OCA2: variants seen among roughly 807,000 people sequenced by gnomAD.
OCA2 encodes the protein P protein.
A neutral mutation model predicts 100.2 loss-of-function variants in OCA2; 77 were observed. The observed-to-expected ratio is 0.77, with a 90% CI of 0.64 to 0.93. The LOEUF (loss-of-function observed/expected upper bound fraction) is 0.93. OCA2 is among the 40% of genes least tolerant of loss of function. The pLI, the probability that OCA2 is intolerant of heterozygous loss-of-function variation, is 0.00. For synonymous variants in OCA2, 432 were observed against 439.2 expected (o/e 0.98, Z 0.21); for missense variants, 1,062 against 1,089.1 (o/e 0.98, Z 0.35).
intron 6 of OCA2, 69 bp downstream of exon 6, chr15:28,022,432 C>G: frequency 8.8e-7 from 1 of 1,138,248 alleles, no homozygotes; most frequent in Non-Finnish European, 1.3e-6. Context: ...TCACAACCGT[C>G]TGCAAGTGTC....
chr15:27,936,603 A>G (rs893481207), intron 18 of OCA2, among the ~76,000 whole-genome samples: 1 of 152,082 alleles, frequency 6.6e-6, no homozygotes, highest in Admixed American at 6.5e-5. Flanking sequence ...TGTGTGTATT[A>G]CCTGATTCAA....
At chr15:27,857,369 A>G in intron 21 of OCA2, among the ~76,000 whole-genome samples, 1 of 152,152 alleles carries the variant, frequency 6.6e-6, no homozygotes, top group Non-Finnish European at 1.5e-5. Flanking sequence ...TTCATAAGAG[A>G]CAGAAAGTAA....
chr15:27,983,073 T>G (rs1472958069), intron 14 of OCA2, among the ~76,000 whole-genome samples: 1 of 152,210 alleles, frequency 6.6e-6, no homozygotes, highest in Non-Finnish European at 1.5e-5. Context: ...ATTAATACAA[T>G]TAATATAACA....
intron 9 of OCA2, among the ~76,000 whole-genome samples, chr15:27,993,831 G>A (rs369921537): frequency 3.9e-5 from 6 of 152,224 alleles, no homozygotes; most frequent in East Asian, 1.9e-4. Flanking sequence ...CGTGGGAGGC[G>A]AAACCATCAC....
chr15:27,731,346 A>T, the OCA2 span, among the ~76,000 whole-genome samples: 2 of 152,228 alleles, frequency 1.3e-5, no homozygotes, highest in East Asian at 3.8e-4. Context: ...GTATAAAAAT[A>T]CTATTAAGCA....
chr15:27,734,896 A>G, the OCA2 span, among the ~76,000 whole-genome samples: 2 of 152,372 alleles, frequency 1.3e-5, no homozygotes, highest in Admixed American at 1.3e-4. Flanking sequence ...AAAGTCTGAA[A>G]TAAGCTCCTA....
At chr15:27,722,967 G>A in the OCA2 span, among the ~76,000 whole-genome samples, 58 of 151,606 alleles carry the variant, frequency 3.8e-4, no homozygotes, top group African/African-American at 7.8e-4. Flanking sequence ...TCAGCCTCCC[G>A]AGTAGCTGGG....
chr15:27,770,812 TCC>T (rs2031701547), intron 23 of OCA2, among the ~76,000 whole-genome samples: 1 of 109,734 alleles, frequency 9.1e-6, no homozygotes. Flanking sequence ...TTTCCTTCCT[TCC>T]TCCCTTCCAT....
chr15:27,737,889 T>C, the OCA2 span, among the ~76,000 whole-genome samples: 4 of 152,126 alleles, frequency 2.6e-5, no homozygotes, highest in Non-Finnish European at 5.9e-5. Flanking sequence ...ACAAAAGGTG[T>C]GGGCAGACAC....
chr15:27,838,762 C>T (rs190785440), intron 23 of OCA2, among the ~76,000 whole-genome samples: 9 of 152,300 alleles, frequency 5.9e-5, no homozygotes, highest in South Asian at 2.1e-4. Flanking sequence ...AGAGAAGGTA[C>T]GTGTGAACCA....
chr15:28,078,606 A>G (rs375891899), intron 2 of OCA2, among the ~76,000 whole-genome samples: 1 of 152,184 alleles, frequency 6.6e-6, no homozygotes, highest in Admixed American at 6.5e-5. Context: ...CAACAACCAC[A>G]CAGATGAGCT....
intron 19 of OCA2, among the ~76,000 whole-genome samples, chr15:27,918,890 G>A (rs1407932199): frequency 6.6e-6 from 1 of 152,124 alleles, no homozygotes; most frequent in Non-Finnish European, 1.5e-5. Flanking sequence ...GACTTTCCCA[G>A]TGTCAAGGTA....
intron 23 of OCA2, among the ~76,000 whole-genome samples, chr15:27,841,048 A>C (rs1187655950): frequency 2.0e-5 from 3 of 152,228 alleles, no homozygotes; most frequent in African/African-American, 7.2e-5. Context: ...TAAGAGCCCC[A>C]AACTGGAAAC....
intron 23 of OCA2, among the ~76,000 whole-genome samples, chr15:27,814,651 G>T (rs999551747): frequency 1.3e-5 from 2 of 152,184 alleles, no homozygotes; most frequent in African/African-American, 4.8e-5. Flanking sequence ...GCCGAGGCAG[G>T]CAGATCCCTT....
rs2034112348 is a variant in OCA2, at chr15:27,812,349, G to A, written c.2432+32610C>T. ...AAAATATTTTCTCTGGGCAAGTCAG[G>A]AGCACAGGGAGGGGACTGGCATCCC... On this transcript the variant is annotated intron_variant, in intron 23 of 23. Coordinates refer to ENST00000354638, the MANE Select transcript of OCA2 (RefSeq NM_000275.3). 2.0e-5 allele frequency among the ~76,000 whole-genome samples: 3 copies of A among 152,248 alleles called. No homozygotes were observed. The South Asian group carries it at 6.2e-4, about 32-fold the overall frequency.
At position 27,777,013 on chromosome 15, in the gene OCA2, C is replaced by A. The variant is rs556551493; in HGVS notation, c.2433-21541G>T. Reference sequence around the variant, plus strand: ...GGGAGTGTTGGAGAGCACTTCCCCCCACACCAGCCCTGCCACTTTCTCCAG... The same window carrying A: ...GGGAGTGTTGGAGAGCACTTCCCCCAACACCAGCCCTGCCACTTTCTCCAG... On this transcript the variant is annotated intron_variant, in intron 23 of 23. Transcript: ENST00000354638. Among the ~76,000 whole-genome samples, 11 of 152,006 alleles carry A rather than the reference C, an allele frequency of 7.2e-5. No individual in the cohort carries two copies. In the South Asian group the frequency reaches 1.7e-3, roughly 23 times the overall value.
chr15:28,035,953 T>C (rs2043034667), intron 2 of OCA2, among the ~76,000 whole-genome samples: 1 of 152,230 alleles, frequency 6.6e-6, no homozygotes, highest in African/African-American at 2.4e-5. Context: ...TTTTCCTACA[T>C]ATAAATGAAT....
intron 1 of OCA2, among the ~76,000 whole-genome samples, chr15:28,097,540 C>T (rs1034371038): frequency 2.2e-4 from 33 of 152,196 alleles, no homozygotes; most frequent in African/African-American, 7.5e-4. Flanking sequence ...CCATTGCAAG[C>T]CATCTTTCCA....
intron 23 of OCA2, among the ~76,000 whole-genome samples, chr15:27,837,824 G>A (rs2035209871): frequency 6.7e-6 from 1 of 148,486 alleles, no homozygotes; most frequent in Non-Finnish European, 1.5e-5. Flanking sequence ...GGCAGGGGGG[G>A]AAATGCAGAA....
Sources: gnomAD v4.1 joint callset for allele counts (sites outside exome capture counted in the v4.1 genomes callset) on GRCh38, gnomAD v4.1.1 for gene constraint, MANE v1.5 for transcripts, NCBI Gene and HGNC (gene_info 2026-07-23, HGNC 2026-07-21) for gene names.